WDR81: variants seen among roughly 807,000 people sequenced by gnomAD.
The protein encoded by WDR81 is WD repeat-containing protein 81.
Under a neutral mutation model 140.8 loss-of-function variants are expected in WDR81, and 92 were observed. That is an observed-to-expected ratio of 0.65 (90% CI 0.55 to 0.78). The LOEUF is 0.78. Among genes scored for constraint, WDR81 ranks in the 30% least tolerant of loss-of-function variants. WDR81 has a pLI of 0.00. For synonymous variants in WDR81, 1,183 were observed against 1,156.4 expected, an observed-to-expected ratio of 1.02 and a Z score of -0.47; for missense variants, 2,502 against 2,636.4, an observed-to-expected ratio of 0.95 and a Z score of 1.12.
At position 1,733,643 on chromosome 17, in the gene WDR81, C is replaced by T. The variant is rs966101681; in HGVS notation, c.4606C>T (p.Pro1536Ser). ...RNPASVEPTM[P>S]GTGPEWDPHG... ...CCCTGCCAGCGTGGAGCCCACCATG[C>T]CCGGCACCGGGCCCGAGTGGGACCC... Residue 1536 changes from proline (P) to serine (S), a missense_variant, in exon 7 of 10, where the codon CCC becomes TCC. By Grantham distance (74) the Pro-to-Ser change is moderately conservative. This residue lies in a region of WDR81 where 1,737 missense variants were observed against 1,843.0 expected (regional missense o/e 0.94). Coordinates refer to ENST00000409644, the MANE Select transcript of WDR81 (RefSeq NM_001163809.2). The T allele has an allele frequency of 6.2e-7, 1 of 1,604,364 alleles. No homozygotes were observed. The highest frequency in any genetic ancestry group is 8.5e-7 in the Non-Finnish European group (1 of 1,174,926).
rs1287310537 is a variant in WDR81 at position 1,726,630 on chromosome 17, G to C, written c.1671G>C (p.Glu557Asp). Residue 557 changes from glutamate (E) to aspartate (D), a missense_variant, in exon 1 of 10, where the codon GAG becomes GAC. Glu to Asp is a conservative substitution (Grantham distance 45, BLOSUM62 2). Transcript: ENST00000409644. ...LTFGYKLQGK[E>D]AVKEKNVCLH... ...TTGGCTATAAACTCCAGGGTAAGGA[G>C]GCTGTCAAGGAAAAGAATGTGTGTC... is the stretch of plus-strand genomic sequence containing the variant. 4 of 1,550,298 alleles carry C rather than the reference G, an allele frequency of 2.6e-6. No individual in the cohort carries two copies. The highest frequency in any genetic ancestry group is 3.5e-6 in the Non-Finnish European group (4 of 1,146,970).
At position 1,735,678 on chromosome 17, in the gene WDR81, T is replaced by C. The variant is rs1374296609; in HGVS notation, c.5286T>C (p.Ser1762=). Reference sequence around the variant, plus strand: ...GCATCACCATGGCCAGCTCTGACTCTACCCTGCGCTTTGTGGACTGCAGGA... The same window carrying C: ...GCATCACCATGGCCAGCTCTGACTCCACCCTGCGCTTTGTGGACTGCAGGA... ...HTSITMASSD[S]TLRFVDCRKP... The change falls in exon 8 of 10, where the codon TCT becomes TCC. Residue 1762 remains serine (S), a synonymous_variant. Transcript: ENST00000409644. The surrounding 1 kb of genome is among the most constrained non-coding windows in gnomAD (Gnocchi z 4.2). 1.9e-6 allele frequency: 3 copies of C among 1,612,938 alleles called. No individual in the cohort carries two copies. The African/African-American group carries it at 4.0e-5, about 21-fold the overall frequency.
In WDR81 at chr17:1,733,118, G is replaced by A. The variant is rs537701353; in HGVS notation, c.4489+287G>A. Reference sequence around the variant, plus strand: ...TCCGCAGGAGCTGGCGAGAGGGAAGGAGTGGCCTCCTGTTTACGAAGCTTC... The same window carrying A: ...TCCGCAGGAGCTGGCGAGAGGGAAGAAGTGGCCTCCTGTTTACGAAGCTTC... On this transcript the variant is annotated intron_variant, in intron 6 of 9. Coordinates refer to ENST00000409644, the MANE Select transcript of WDR81 (RefSeq NM_001163809.2). The A allele has an allele frequency of 2.5e-5, 12 of 479,578 alleles. No individual in the cohort carries two copies. In the South Asian group the frequency reaches 3.8e-4, roughly 15 times the overall value. The allele number at this position is 479,578 out of a possible 1,614,324, so 29.7% of individuals were successfully genotyped here. A position where few individuals can be genotyped will look rare whatever the true frequency, so the allele number is the denominator to read the frequency against.
chr17:1,737,059 T>C (rs2151178577), intron 9 of WDR81, among the ~76,000 whole-genome samples: 1 of 152,232 alleles, frequency 6.6e-6, no homozygotes, highest in East Asian at 1.9e-4. Flanking sequence ...TTCCTGTTTG[T>C]GAAATGGGGA....
rs755595711 is a variant in WDR81, at chr17:1,737,889, G to A, written c.*204G>A. The A allele has an allele frequency of 3.0e-6, 2 of 663,934 alleles. No homozygotes were observed. The highest frequency in any genetic ancestry group is 2.5e-6 in the Non-Finnish European group (1 of 397,524). The allele number at this position is 663,934 out of a possible 1,614,324, so 41.1% of individuals were successfully genotyped here. On this transcript the variant is annotated 3_prime_UTR_variant, in exon 10 of 10. Transcript: ENST00000409644. ...ACCAGAGCCACCAAGCCTGCCAGAG[G>A]GGTCTCATTCATGGCTTGGGGACAC...
rs1420607948 is a variant in WDR81 at position 1,726,337 on chromosome 17, C to T, written c.1378C>T (p.Arg460Trp). ...YYVYKARRTP[R>W]SVLCGHVRAQ... ...TGTGTACAAGGCTCGGCGCACGCCT[C>T]GGTCGGTGCTCTGCGGACACGTCCG... The change falls in exon 1 of 10, where the codon CGG (arginine) becomes TGG (tryptophan). Residue 460 changes from arginine (R) to tryptophan (W), a missense_variant. Physicochemically the swap from Arg to Trp is moderately radical, Grantham distance 101. Coordinates refer to ENST00000409644, the MANE Select transcript of WDR81 (RefSeq NM_001163809.2). 7 of 1,544,586 alleles carry T rather than the reference C, an allele frequency of 4.5e-6. No individual in the cohort carries two copies. The highest frequency in any genetic ancestry group is 2.0e-5 in the Admixed American group (1 of 50,782).
In WDR81 at chr17:1,728,231, T is replaced by G; in HGVS notation, c.3272T>G (p.Val1091Gly). 3.1e-6 allele frequency: 5 copies of G among 1,609,300 alleles called. No individual in the cohort carries two copies. Among genetic ancestry groups the G allele is most frequent in the Non-Finnish European group, 4.2e-6 (5 of 1,177,442 alleles). The change falls in exon 1 of 10, where the codon GTG (valine) becomes GGG (glycine). Residue 1091 changes from valine to glycine, a missense_variant. Around this residue, in one of 3 missense-constraint regions of WDR81, gnomAD observed 1,737 missense variants for 1,843.0 expected, o/e 0.94. Transcript: ENST00000409644. ...ETEDFQAGLY[V>G]TESPQPQEAE... ...GAGGACTTCCAAGCCGGGCTCTATGTGACTGAGTCTCCCCAGCCCCAGGAG... is the reference window on the plus strand; with the variant it reads ...GAGGACTTCCAAGCCGGGCTCTATGGGACTGAGTCTCCCCAGCCCCAGGAG...
chr17:1,716,920 G>A (rs1255722203), intron 1 of WDR81: 2 of 542,296 alleles, frequency 3.7e-6, no homozygotes, highest in Non-Finnish European at 6.6e-6. Context: ...CCTCCTGGGG[G>A]CTCTTCCTAA....
chr17:1,728,499 G>A lies in WDR81; in HGVS notation c.3540G>A (p.Glu1180=), dbSNP rs2151165692. 1.9e-6 allele frequency: 3 copies of A among 1,594,454 alleles called. No individual in the cohort carries two copies. Among genetic ancestry groups the A allele is most frequent in the Middle Eastern group, 1.7e-4 (1 of 6,022 alleles). The change falls in exon 1 of 10, where the codon GAG becomes GAA. Residue 1180 remains glutamate (E), a synonymous_variant. Coordinates refer to ENST00000409644, the MANE Select transcript of WDR81 (RefSeq NM_001163809.2). ...GEQEEVTGAS[E]LTLSDTVLSM... is the part of the protein sequence containing the mutation. The stretch of plus-strand genomic sequence containing the variant: ...AGGAGGAGGTCACCGGGGCATCTGA[G>A]CTCACTCTGTCTGACACGGTGCTGT...
At chr17:1,724,243 C>A (rs1269517926), upstream of WDR81, among the ~76,000 whole-genome samples, 2 of 152,174 alleles carry the variant, frequency 1.3e-5, no homozygotes, top group Non-Finnish European at 2.9e-5. Context: ...GCGCTCCTGA[C>A]GTCCCAGCTA....
chr17:1,730,499 T>C lies in WDR81; in HGVS notation c.3775+12T>C, dbSNP rs920966497. ...GTCTTGTTATGTTGGTAAGGAGGCC[T>C]GCGGTCAGTGCTGGAGATGAGGCTT... On this transcript the variant is annotated intron_variant, in intron 2 of 9. Transcript: ENST00000409644. 2 of 1,609,240 alleles carry C rather than the reference T, an allele frequency of 1.2e-6. No homozygotes were observed. The highest frequency in any genetic ancestry group is 1.7e-5 in the Admixed American group (1 of 59,678).
chr17:1,732,356 C>T lies in WDR81; in HGVS notation c.4189C>T (p.Leu1397=), dbSNP rs1372814228. 1 of 1,613,474 alleles carries T rather than the reference C, an allele frequency of 6.2e-7. No homozygotes were observed. The highest frequency in any genetic ancestry group is 1.3e-5 in the African/African-American group (1 of 75,060). ...FPSGAQARTI[L]CVKTISLIAL... The stretch of plus-strand genomic sequence containing the variant: ...AAGTGGGGCCCAGGCTCGGACCATC[C>T]TGTGTGTGAAAACCATCAGCCTCAT... Residue 1397 remains leucine (L), a synonymous_variant, in exon 5 of 10, where the codon CTG becomes TTG. Coordinates refer to ENST00000409644, the MANE Select transcript of WDR81 (RefSeq NM_001163809.2).
In WDR81 at chr17:1,728,221, G is replaced by A. The variant is rs780141508; in HGVS notation, c.3262G>A (p.Gly1088Arg). Residue 1088 changes from glycine to arginine, a missense_variant, in exon 1 of 10, where the codon GGG (glycine) becomes AGG (arginine). Gly to Arg is a moderately radical substitution (Grantham distance 125). Transcript: ENST00000409644. ...CCCTGAGACAGAGGACTTCCAAGCC[G>A]GGCTCTATGTGACTGAGTCTCCCCA... ...DLPETEDFQA[G>R]LYVTESPQPQ... The A allele has an allele frequency of 6.9e-6, 11 of 1,605,704 alleles. No homozygotes were observed. The highest frequency in any genetic ancestry group is 4.5e-5 in the East Asian group (2 of 44,692).
At chr17:1,721,980 G>A (rs1373740611), upstream of WDR81, among the ~76,000 whole-genome samples, 2 of 151,990 alleles carry the variant, frequency 1.3e-5, no homozygotes, top group South Asian at 2.1e-4. Flanking sequence ...AAAATTAGCC[G>A]GGCATGGTGG....
intron 2 of WDR81, 48 bp downstream of exon 2, chr17:1,730,535 C>T (rs1466796015): frequency 6.4e-7 from 1 of 1,568,808 alleles, no homozygotes; most frequent in Admixed American, 1.8e-5. Flanking sequence ...TCTCCCAGGC[C>T]CTCTGCCTAG....
chr17:1,720,143 C>T (rs999550111), upstream of WDR81, among the ~76,000 whole-genome samples: 3 of 152,146 alleles, frequency 2.0e-5, no homozygotes, highest in East Asian at 1.9e-4. Flanking sequence ...TTCTCCCTGC[C>T]GGATTAGCAA....
At chr17:1,729,298 G>A (rs909746038) in intron 1 of WDR81, among the ~76,000 whole-genome samples, 6 of 151,970 alleles carry the variant, frequency 3.9e-5, no homozygotes, top group Non-Finnish European at 8.8e-5. Context: ...TGGCCAACAT[G>A]GTGAAACCCC....
At chr17:1,728,820 G>T (rs1681894797) in intron 1 of WDR81, among the ~76,000 whole-genome samples, 194 bp downstream of exon 1, 2 of 152,114 alleles carry the variant, frequency 1.3e-5, no homozygotes, top group Non-Finnish European at 2.9e-5. Flanking sequence ...GGGCGTGGGG[G>T]CAGGCACCTG....
chr17:1,734,794 A>G (rs1285423808), intron 7 of WDR81, among the ~76,000 whole-genome samples: 1 of 151,328 alleles, frequency 6.6e-6, no homozygotes, highest in Non-Finnish European at 1.5e-5. Flanking sequence ...AAAAAAAAAG[A>G]AGAAGATAAC....
Sources: gnomAD v4.1 joint callset for allele counts (sites outside exome capture counted in the v4.1 genomes callset) on GRCh38, gnomAD v4.1.1 for gene constraint, gnomAD v4.1.1 regional missense constraint, Gnocchi (gnomAD v3.1) non-coding constraint, MANE v1.5 for transcripts, NCBI Gene and HGNC (gene_info 2026-07-23, HGNC 2026-07-21) for gene names.